LHFPL3: variants seen among roughly 807,000 people sequenced by gnomAD.
LHFPL3 encodes the protein LHFPL tetraspan subfamily member 3 protein.
LHFPL3 carries 5 observed loss-of-function variants against 19.3 expected under a neutral mutation model. That is an observed-to-expected ratio of 0.26 (90% CI 0.14 to 0.54). LHFPL3 has a LOEUF of 0.54. LHFPL3 is among the 20% of genes least tolerant of loss of function. LHFPL3 has a pLI of 0.94. For missense variants in LHFPL3, 249 were observed against 307.4 expected (o/e 0.81, Z 1.42); for synonymous variants, 133 against 126.2 (o/e 1.05, Z -0.36).
In LHFPL3 at chr7:104,329,716, G is replaced by GGGGGCGT. The variant is rs1302831388; in HGVS notation, c.445+492_445+493insGGGGCGT. 4.6e-5 allele frequency among the ~76,000 whole-genome samples: 7 copies of GGGGGCGT among 152,316 alleles called. No individual in the cohort carries two copies. In the East Asian group the frequency reaches 1.4e-3, roughly 29 times the overall value. On this transcript the variant is annotated intron_variant, in intron 1 of 2. Transcript: ENST00000424859. ...ATCCTGGGAAAGGGGGCGGGGGGCG[G>GGGGGCGT]TGGCTGGAGTGATACTGTTTCTTTC...
chr7:104,892,375 C>T (rs1792265856), intron 2 of LHFPL3, among the ~76,000 whole-genome samples: 1 of 151,986 alleles, frequency 6.6e-6, no homozygotes, highest in Non-Finnish European at 1.5e-5. Flanking sequence ...AAAATAAAAA[C>T]AGAAAAAGAA....
chr7:104,681,590 C>A (rs907587776), intron 1 of LHFPL3, among the ~76,000 whole-genome samples: 1 of 151,404 alleles, frequency 6.6e-6, no homozygotes, highest in East Asian at 1.9e-4. Flanking sequence ...CCACTGCAGC[C>A]CAGCCTGGGT....
chr7:104,586,505 C>T (rs1192800851), intron 1 of LHFPL3, among the ~76,000 whole-genome samples: 2 of 152,106 alleles, frequency 1.3e-5, no homozygotes, highest in Non-Finnish European at 2.9e-5. Flanking sequence ...AGCATTACAA[C>T]ATAGGAAGCT....
chr7:104,667,896 G>T, intron 1 of LHFPL3: 13 of 1,612,676 alleles, frequency 8.1e-6, no homozygotes, highest in Non-Finnish European at 1.1e-5. Flanking sequence ...CCTGGAAGGA[G>T]ATGTTTCTAC....
intron 1 of LHFPL3, among the ~76,000 whole-genome samples, chr7:104,468,696 T>C (rs1041649259): frequency 4.7e-5 from 7 of 150,192 alleles, no homozygotes; most frequent in Non-Finnish European, 7.4e-5. Context: ...TCTTGCTCCG[T>C]CATCCAGGCT....
chr7:104,450,809 A>G (rs1792421743), intron 1 of LHFPL3, among the ~76,000 whole-genome samples: 1 of 152,238 alleles, frequency 6.6e-6, no homozygotes, highest in South Asian at 2.1e-4. Flanking sequence ...AAAAATGGAA[A>G]AGAAAAAAAA....
At chr7:104,657,216 TC>T (rs1257030598) in intron 1 of LHFPL3, among the ~76,000 whole-genome samples, 1 of 152,270 alleles carries the variant, frequency 6.6e-6, no homozygotes, top group East Asian at 1.9e-4. Flanking sequence ...GTTATCCAAC[TC>T]TATATATTCT....
intron 1 of LHFPL3, among the ~76,000 whole-genome samples, chr7:104,373,455 A>G (rs778697262): frequency 2.4e-4 from 36 of 152,186 alleles, no homozygotes; most frequent in Non-Finnish European, 4.6e-4. Flanking sequence ...TCACTGTGCT[A>G]TAACCTGCCA....
chr7:104,492,457 G>T (rs1793377107), intron 1 of LHFPL3, among the ~76,000 whole-genome samples: 1 of 152,194 alleles, frequency 6.6e-6, no homozygotes, highest in Non-Finnish European at 1.5e-5. Flanking sequence ...CCGGGACCAT[G>T]TTGCATTCAC....
chr7:104,442,885 A>G (rs946397023), intron 1 of LHFPL3, among the ~76,000 whole-genome samples: 4 of 152,130 alleles, frequency 2.6e-5, no homozygotes, highest in African/African-American at 9.7e-5. Flanking sequence ...TTAGTTTCGC[A>G]CCTCACTGTA....
intron 1 of LHFPL3, among the ~76,000 whole-genome samples, 174 bp from the exon 2 acceptor site, chr7:104,736,501 G>T (rs1472549702): frequency 7.6e-6 from 1 of 131,170 alleles, no homozygotes; most frequent in East Asian, 2.0e-4. Context: ...GTGCACGTTT[G>T]CATGCCCACA....
At chr7:104,857,615 A>C (rs1161874695) in intron 2 of LHFPL3, among the ~76,000 whole-genome samples, 1 of 152,212 alleles carries the variant, frequency 6.6e-6, no homozygotes, top group Non-Finnish European at 1.5e-5. Flanking sequence ...TTGTTGCATT[A>C]TTGTGATGTC....
At chr7:104,884,237 TC>T (rs1177813331) in intron 2 of LHFPL3, among the ~76,000 whole-genome samples, 1 of 152,144 alleles carries the variant, frequency 6.6e-6, no homozygotes, top group Non-Finnish European at 1.5e-5. Flanking sequence ...CTGCTTCCAT[TC>T]CCTTCTATTC....
Position 104,906,341 on chromosome 7 carries a change from T to C in LHFPL3, c.*126T>C. 1 of 1,086,286 alleles carries C rather than the reference T, an allele frequency of 9.2e-7. No individual in the cohort carries two copies. Among genetic ancestry groups the C allele is most frequent in the East Asian group, 2.6e-5 (1 of 38,028 alleles). The allele number at this position is 1,086,286 out of a possible 1,614,324, so 67.3% of individuals were successfully genotyped here. ...AGAGATCAGAGTATATAGATGAATA[T>C]GAACAAGAATGGAACATTCACTTGT... is the stretch of plus-strand genomic sequence containing the variant. On this transcript the variant is annotated 3_prime_UTR_variant, in exon 3 of 3. Transcript: ENST00000424859.
chr7:104,421,639 C>A (rs927738772), intron 1 of LHFPL3, among the ~76,000 whole-genome samples: 1 of 152,080 alleles, frequency 6.6e-6, no homozygotes, highest in African/African-American at 2.4e-5. Context: ...CTGGAGATTC[C>A]TTAAAGCACT....
At chr7:104,422,631 A>G (rs1245411966) in intron 1 of LHFPL3, among the ~76,000 whole-genome samples, 1 of 152,214 alleles carries the variant, frequency 6.6e-6, no homozygotes, top group Non-Finnish European at 1.5e-5. Flanking sequence ...CGTACTATGT[A>G]TGTGACTTGC....
intron 1 of LHFPL3, among the ~76,000 whole-genome samples, chr7:104,648,969 T>G (rs1345126167): frequency 6.6e-6 from 1 of 152,200 alleles, no homozygotes. Context: ...TATGGACACA[T>G]CCTGGCCTCT....
intron 1 of LHFPL3, among the ~76,000 whole-genome samples, chr7:104,385,799 A>C (rs918457404): frequency 3.3e-5 from 5 of 152,204 alleles, no homozygotes; most frequent in African/African-American, 9.6e-5. Context: ...GAATGCATCA[A>C]ATGTCACATT....
rs150577636 is a variant in LHFPL3 at position 104,498,697 on chromosome 7, C to T, written c.445+169473C>T. Among the ~76,000 whole-genome samples, 828 of 152,118 alleles carry T rather than the reference C, an allele frequency of 5.4e-3. 10 individuals carry two copies. Among genetic ancestry groups the T allele is most frequent in the African/African-American group, 0.019 (783 of 41,496 alleles). ...TTCACCATGTTGACCAGGTTGGTCT[C>T]GAACTCCTGACCTCAAGCGATCTGC... On this transcript the variant is annotated intron_variant, in intron 1 of 2. Transcript: ENST00000424859.
Sources: gnomAD v4.1 joint callset for allele counts (sites outside exome capture counted in the v4.1 genomes callset) on GRCh38, gnomAD v4.1.1 for gene constraint, MANE v1.5 for transcripts, NCBI Gene and HGNC (gene_info 2026-07-23, HGNC 2026-07-21) for gene names.